KDM7A: variants seen among roughly 807,000 people sequenced by gnomAD.
The protein encoded by KDM7A is lysine demethylase 7A, also known as lysine-specific demethylase 7A.
A neutral mutation model predicts 114.8 loss-of-function variants in KDM7A; 28 were observed. The ratio of observed to expected loss-of-function variants is 0.24; its 90% CI spans 0.18 to 0.33. The LOEUF (loss-of-function observed/expected upper bound fraction) is 0.33, where lower values mean the gene tolerates loss of function less well. Among genes scored for constraint, KDM7A ranks in the 10% least tolerant of loss-of-function variants. The pLI, the probability that KDM7A is intolerant of heterozygous loss-of-function variation, is 1.00. For missense variants in KDM7A, 942 were observed against 1,142.5 expected (o/e 0.82, Z 2.53); for synonymous variants, 423 against 397.8 (o/e 1.06, Z -0.75).
chr7:140,097,868 AT>A (rs1818141474), intron 14 of KDM7A, among the ~76,000 whole-genome samples: 1 of 152,206 alleles, frequency 6.6e-6, no homozygotes, highest in Admixed American at 6.5e-5. Context: ...TAAGTGTGGT[AT>A]TTCCATAATT....
At position 140,157,569 on chromosome 7, in the gene KDM7A, G is replaced by A. The variant is rs551795951; in HGVS notation, c.195-18379C>T. 9.7e-4 allele frequency among the ~76,000 whole-genome samples: 147 copies of A among 152,222 alleles called. 1 individual carries two copies. Among genetic ancestry groups the A allele is most frequent in the Non-Finnish European group, 1.9e-4 (13 of 67,992 alleles). The stretch of plus-strand genomic sequence containing the variant: ...CTTGGGAGGCTGAAGTGTGAGGATC[G>A]CTTGAGCCTGGGAGGTCAAGGCTGC... On this transcript the variant is annotated intron_variant, in intron 1 of 19. Coordinates refer to ENST00000397560, the MANE Select transcript of KDM7A (RefSeq NM_030647.2).
At chr7:140,097,937 C>G (rs1818142254) in intron 14 of KDM7A, among the ~76,000 whole-genome samples, 1 of 152,168 alleles carries the variant, frequency 6.6e-6, no homozygotes, top group Non-Finnish European at 1.5e-5. Flanking sequence ...AAGAAAAATG[C>G]TGAAACTAAA....
intron 11 of KDM7A, among the ~76,000 whole-genome samples, chr7:140,104,895 T>G (rs1031613301): frequency 6.6e-6 from 1 of 152,142 alleles, no homozygotes; most frequent in Non-Finnish European, 1.5e-5. Context: ...GTATGGCCAT[T>G]TTCATATTGA....
chr7:140,175,828 C>CG (rs11373147), intron 1 of KDM7A, among the ~76,000 whole-genome samples: 152,092 of 152,112 alleles, frequency 1, 76,036 homozygotes, highest in Middle Eastern at 1. Flanking sequence ...CACCGGCGCC[C>CG]GGGCACAGCC....
intron 9 of KDM7A, among the ~76,000 whole-genome samples, chr7:140,115,236 C>T (rs1315901587): frequency 4.0e-5 from 6 of 151,826 alleles, no homozygotes; most frequent in South Asian, 2.1e-4. Context: ...TCTGCCCGGC[C>T]GCCCCTTCTG....
At chr7:140,099,818 G>C (rs1818173617) in intron 13 of KDM7A, 81 bp downstream of exon 13, 1 of 1,343,526 alleles carries the variant, frequency 7.4e-7, no homozygotes, top group African/African-American at 1.4e-5. Context: ...GTGCCAGAAA[G>C]GTTGAGGACC....
At chr7:140,119,070 A>G (rs1203127175) in intron 9 of KDM7A, 43 bp downstream of exon 9, 2 of 1,145,344 alleles carry the variant, frequency 1.7e-6, no homozygotes, top group Admixed American at 3.6e-5. Flanking sequence ...ATTTACAAAC[A>G]ATATGCATCA....
At chr7:140,133,700 TG>T (rs1818826798) in intron 2 of KDM7A, 44 bp from the exon 3 acceptor site, 1 of 982,844 alleles carries the variant, frequency 1.0e-6, no homozygotes, top group Non-Finnish European at 1.6e-6. Context: ...TGGTAACTGG[TG>T]ATACTATGTG....
intron 15 of KDM7A, 53 bp downstream of exon 15, chr7:140,097,489 ACGT>A: frequency 2.2e-6 from 2 of 928,078 alleles, no homozygotes; most frequent in Non-Finnish European, 3.4e-6. Context: ...AGGAGAAGTT[ACGT>A]GGTGCTCATC....
chr7:140,121,432 G>C (rs761576232), intron 7 of KDM7A, among the ~76,000 whole-genome samples: 2 of 152,044 alleles, frequency 1.3e-5, no homozygotes, highest in Non-Finnish European at 2.9e-5. Flanking sequence ...ACCCTCAAAG[G>C]ACTCACTTTC....
chr7:140,169,565 G>A (rs1794615746), intron 1 of KDM7A, among the ~76,000 whole-genome samples: 1 of 152,018 alleles, frequency 6.6e-6, no homozygotes, highest in South Asian at 2.1e-4. Flanking sequence ...TCGCTCTGTC[G>A]CCCACCGTGG....
At chr7:140,147,491 T>A (rs925475730) in intron 1 of KDM7A, among the ~76,000 whole-genome samples, 6 of 152,186 alleles carry the variant, frequency 3.9e-5, no homozygotes, top group African/African-American at 1.4e-4. Flanking sequence ...GATTTATATA[T>A]CGGAAATTTT....
intron 1 of KDM7A, among the ~76,000 whole-genome samples, chr7:140,162,249 C>T (rs1044993117): frequency 6.6e-6 from 1 of 151,670 alleles, no homozygotes; most frequent in Non-Finnish European, 1.5e-5. Flanking sequence ...GCAGGAGAAT[C>T]GCTTAAACCC....
intron 1 of KDM7A, among the ~76,000 whole-genome samples, chr7:140,166,233 A>G (rs936784122): frequency 5.3e-5 from 8 of 152,120 alleles, no homozygotes; most frequent in Non-Finnish European, 8.8e-5. Flanking sequence ...AAGGAAGAAA[A>G]CTATACGATT....
chr7:140,100,206 T>C (rs1216760055), intron 12 of KDM7A, among the ~76,000 whole-genome samples, 183 bp from the exon 13 acceptor site: 2 of 152,216 alleles, frequency 1.3e-5, no homozygotes, highest in African/African-American at 4.8e-5. Flanking sequence ...AGTAAGAGTA[T>C]GGCTCATCTT....
At chr7:140,171,988 G>A (rs942983004) in intron 1 of KDM7A, among the ~76,000 whole-genome samples, 3 of 152,178 alleles carry the variant, frequency 2.0e-5, no homozygotes, top group African/African-American at 7.2e-5. Context: ...GCTTGGGTAT[G>A]TCTTTTGGTG....
At chr7:140,103,272 G>C (rs1818263342) in intron 11 of KDM7A, among the ~76,000 whole-genome samples, 1 of 151,530 alleles carries the variant, frequency 6.6e-6, no homozygotes, top group Non-Finnish European at 1.5e-5. Flanking sequence ...ATATCTTCAA[G>C]GTTCATCCAC....
intron 1 of KDM7A, among the ~76,000 whole-genome samples, chr7:140,154,722 C>T (rs1187453583): frequency 1.3e-5 from 2 of 151,978 alleles, no homozygotes; most frequent in African/African-American, 2.4e-5. Context: ...CTGTACCCAA[C>T]CTCGGGTCTT....
chr7:140,164,780 T>G (rs1794555985), intron 1 of KDM7A, among the ~76,000 whole-genome samples: 1 of 152,240 alleles, frequency 6.6e-6, no homozygotes, highest in Non-Finnish European at 1.5e-5. Flanking sequence ...ATCAGGAATT[T>G]GCTTCAAAGT....
Sources: allele counts gnomAD v4.1 joint callset (sites outside exome capture counted in the v4.1 genomes callset), GRCh38; gene constraint gnomAD v4.1.1; transcripts MANE v1.5; gene names NCBI Gene and HGNC (gene_info 2026-07-23, HGNC 2026-07-21).